STAM2: variants seen among roughly 807,000 people sequenced by gnomAD.
STAM2 encodes signal transducing adaptor molecule 2.
In STAM2, 51 loss-of-function variants were observed where a neutral mutation model predicts 65.6. The ratio of observed to expected loss-of-function variants is 0.78; its 90% CI spans 0.62 to 0.98. STAM2 has a LOEUF of 0.98. STAM2 is among the 50% of genes least tolerant of loss of function. The pLI, the probability that STAM2 is intolerant of heterozygous loss-of-function variation, is 0.00. For missense variants in STAM2, 584 were observed against 617.8 expected (o/e 0.95, Z 0.58); for synonymous variants, 198 against 208.4 (o/e 0.95, Z 0.43).
chr2:152,148,736 T>A (rs370022657), intron 2 of STAM2, among the ~76,000 whole-genome samples: 1 of 152,012 alleles, frequency 6.6e-6, no homozygotes, highest in Non-Finnish European at 1.5e-5. Flanking sequence ...AATAAATCTA[T>A]AAAATGATTT....
At chr2:152,126,577 A>C (rs182044872) in intron 11 of STAM2, among the ~76,000 whole-genome samples, 198 bp from the exon 12 acceptor site, 71 of 152,340 alleles carry the variant, frequency 4.7e-4, no homozygotes, top group African/African-American at 1.7e-3. Context: ...ATATTGAGGC[A>C]GGAGAATAGG....
intron 1 of STAM2, among the ~76,000 whole-genome samples, chr2:152,152,976 TC>T (rs1318847878): frequency 2.0e-5 from 3 of 152,228 alleles, no homozygotes; most frequent in African/African-American, 7.2e-5. Flanking sequence ...ATTTTCAATA[TC>T]TTTTTTTGTG....
rs1689298409 is a variant in STAM2, at chr2:152,144,106, A to C, written c.518-93T>G. ...TGTAAAATTTAATAAGAATAAATCAAGCATTTTATTTGTCTAATTACATGC... is the reference window on the plus strand; with the variant it reads ...TGTAAAATTTAATAAGAATAAATCACGCATTTTATTTGTCTAATTACATGC... On this transcript the variant is annotated intron_variant, in intron 6 of 13. Coordinates refer to ENST00000263904, the MANE Select transcript of STAM2 (RefSeq NM_005843.6). The C allele has an allele frequency of 3.4e-6, 4 of 1,172,156 alleles. No individual in the cohort carries two copies. In the East Asian group the frequency reaches 1.1e-4, roughly 33 times the overall value. The allele number at this position is 1,172,156 out of a possible 1,614,324, so 72.6% of individuals were successfully genotyped here.
chr2:152,122,072 A>ATGTGTGTG (rs766266255), intron 13 of STAM2, among the ~76,000 whole-genome samples: 26 of 108,284 alleles, frequency 2.4e-4, no homozygotes, highest in Non-Finnish European at 3.9e-4. Context: ...ATATATATAT[A>ATGTGTGTG]TATATGTGTG....
chr2:152,145,060 G>A, intron 5 of STAM2, 103 bp from the exon 6 acceptor site: 1 of 896,646 alleles, frequency 1.1e-6, no homozygotes, highest in Non-Finnish European at 1.8e-6. Flanking sequence ...TGATATAACT[G>A]AGTTTCATTT....
At chr2:152,121,771 G>A (rs1579308108) in intron 13 of STAM2, among the ~76,000 whole-genome samples, 1 of 152,052 alleles carries the variant, frequency 6.6e-6, no homozygotes, top group African/African-American at 2.4e-5. Flanking sequence ...TTGGCTGGAA[G>A]CGGTGGCTCA....
chr2:152,167,464 G>A (rs1488749205), intron 1 of STAM2, among the ~76,000 whole-genome samples: 2 of 152,192 alleles, frequency 1.3e-5, no homozygotes, highest in African/African-American at 4.8e-5. Flanking sequence ...CAAAGGATGA[G>A]GGAAAAGAAT....
At chr2:152,134,045 G>A (rs1190501470) in intron 8 of STAM2, among the ~76,000 whole-genome samples, 18 of 151,846 alleles carry the variant, frequency 1.2e-4, no homozygotes, top group Non-Finnish European at 2.9e-5. Flanking sequence ...TTTTCATGAA[G>A]AGAAGGTTGA....
intron 1 of STAM2, among the ~76,000 whole-genome samples, chr2:152,164,693 C>T (rs4664083): frequency 0.15 from 22,794 of 152,052 alleles, 2,616 homozygotes; most frequent in East Asian, 0.57. Context: ...TTAAGAGCTG[C>T]TTCCTCTGAT....
chr2:152,170,919 C>T (rs995109503), intron 1 of STAM2, among the ~76,000 whole-genome samples: 1 of 152,120 alleles, frequency 6.6e-6, no homozygotes, highest in African/African-American at 2.4e-5. Flanking sequence ...TTGCTTGAAC[C>T]TGGGAAGCAG....
chr2:152,169,518 C>T (rs1378135742), intron 1 of STAM2, among the ~76,000 whole-genome samples: 2 of 152,054 alleles, frequency 1.3e-5, no homozygotes, highest in Admixed American at 1.3e-4. Context: ...ATCAAGCAAT[C>T]CACCAAGTGT....
At chr2:152,168,410 G>A (rs367968263) in intron 1 of STAM2, among the ~76,000 whole-genome samples, 2 of 151,936 alleles carry the variant, frequency 1.3e-5, no homozygotes, top group East Asian at 1.9e-4. Context: ...CGCCCACCTC[G>A]ACCTCCCAAA....
chr2:152,121,478 C>G (rs999613123), intron 13 of STAM2, among the ~76,000 whole-genome samples: 4 of 152,208 alleles, frequency 2.6e-5, no homozygotes, highest in African/African-American at 7.2e-5. Flanking sequence ...CAAGATGCCA[C>G]TTTCAGCCCA....
intron 1 of STAM2, among the ~76,000 whole-genome samples, chr2:152,173,336 G>A (rs557651737): frequency 3.3e-4 from 39 of 119,836 alleles, no homozygotes; most frequent in Non-Finnish European, 5.6e-4. Context: ...TTGTGTATGC[G>A]TGTGTGTCTG....
chr2:152,123,693 G>A, intron 13 of STAM2, 73 bp downstream of exon 13: 1 of 1,379,996 alleles, frequency 7.2e-7, no homozygotes, highest in Non-Finnish European at 1.0e-6. Flanking sequence ...TCTTAATAAG[G>A]GTCTATATAT....
At chr2:152,145,102 C>CAAA in intron 5 of STAM2, 145 bp from the exon 6 acceptor site, 1 of 669,328 alleles carries the variant, frequency 1.5e-6, no homozygotes, top group Non-Finnish European at 2.6e-6. Context: ...GACAGGGTCT[C>CAAA]ATTCTGTCAG....
Position 152,175,715 on chromosome 2 carries a change from C to A in STAM2, c.-73G>T. 1 of 1,529,108 alleles carries A rather than the reference C, an allele frequency of 6.5e-7. No individual in the cohort carries two copies. The highest frequency in any genetic ancestry group is 8.9e-7 in the Non-Finnish European group (1 of 1,126,612). The allele number at this position is 1,529,108 out of a possible 1,614,324, so 94.7% of individuals were successfully genotyped here. A position where few individuals can be genotyped will look rare whatever the true frequency, so the allele number is the denominator to read the frequency against. On this transcript the variant is annotated 5_prime_UTR_variant, in exon 1 of 14. Transcript: ENST00000263904. ...CAACTGCTACCCGCCGGGTGACCCG[C>A]GGCCGCGGCTCCCTAGACCGCTCCG...
chr2:152,151,422 C>T lies in STAM2; in HGVS notation c.41-1193G>A, dbSNP rs192256925. ...GTCTCAAACTCCTGACCTTGTGATCCGCCCACCTCAGCCTCCCAAAGTGCT... is the reference window on the plus strand; with the variant it reads ...GTCTCAAACTCCTGACCTTGTGATCTGCCCACCTCAGCCTCCCAAAGTGCT... On this transcript the variant is annotated intron_variant, in intron 1 of 13. Transcript: ENST00000263904. Among the ~76,000 whole-genome samples the T allele has an allele frequency of 7.9e-5, 12 of 152,196 alleles. No homozygotes were observed. The East Asian group carries it at 2.3e-3, about 29-fold the overall frequency.
At chr2:152,175,540 A>G (rs1280259507) in intron 1 of STAM2, 63 bp downstream of exon 1, 3 of 1,605,210 alleles carry the variant, frequency 1.9e-6, no homozygotes, top group Admixed American at 3.3e-5. Context: ...CCCACTTTCT[A>G]GCCGGACAAA....
Sources: gnomAD v4.1 joint callset for allele counts (sites outside exome capture counted in the v4.1 genomes callset) on GRCh38, gnomAD v4.1.1 for gene constraint, MANE v1.5 for transcripts, NCBI Gene and HGNC (gene_info 2026-07-23, HGNC 2026-07-21) for gene names.